VTI1A: variants seen among roughly 807,000 people sequenced by gnomAD.
VTI1A encodes vesicle transport through interaction with t-SNAREs 1A, also known as vesicle transport through interaction with t-SNAREs homolog 1A.
Under a neutral mutation model 34.9 loss-of-function variants are expected in VTI1A, and 22 were observed. The observed-to-expected ratio is 0.63, with a 90% CI of 0.45 to 0.90. VTI1A has a LOEUF of 0.90. VTI1A is among the 40% of genes least tolerant of loss of function. VTI1A has a pLI of 0.00. For missense variants in VTI1A, 268 were observed against 275.6 expected (o/e 0.97, Z 0.20); for synonymous variants, 87 against 97.3 (o/e 0.89, Z 0.62).
chr10:112,517,180 G>A (rs531925661), intron 3 of VTI1A, among the ~76,000 whole-genome samples: 1 of 152,070 alleles, frequency 6.6e-6, no homozygotes, highest in East Asian at 1.9e-4. Flanking sequence ...ATTCCTCCAA[G>A]GATAGGAGGA....
At chr10:112,651,993 C>T (rs553239911) in intron 5 of VTI1A, among the ~76,000 whole-genome samples, 5 of 152,194 alleles carry the variant, frequency 3.3e-5, no homozygotes, top group Non-Finnish European at 5.9e-5. Context: ...ATTGTCATGA[C>T]TCCTAACAGG....
the VTI1A span, among the ~76,000 whole-genome samples, chr10:112,839,403 G>T: frequency 6.6e-6 from 1 of 152,124 alleles, no homozygotes; most frequent in South Asian, 2.1e-4. Context: ...TGAGGAACCC[G>T]GTGGGGAGTT....
At chr10:112,604,761 T>A (rs1174698009) in intron 5 of VTI1A, among the ~76,000 whole-genome samples, 1 of 152,218 alleles carries the variant, frequency 6.6e-6, no homozygotes, top group Non-Finnish European at 1.5e-5. Context: ...TTTCTGATTC[T>A]TCATGTTTAT....
chr10:112,813,949 A>G (rs1244524194), intron 7 of VTI1A, among the ~76,000 whole-genome samples: 1 of 152,106 alleles, frequency 6.6e-6, no homozygotes, highest in Non-Finnish European at 1.5e-5. Context: ...TGTCAGGAGG[A>G]GAGAGAGCTC....
intron 5 of VTI1A, among the ~76,000 whole-genome samples, chr10:112,596,806 C>T (rs1427557406): frequency 6.6e-6 from 1 of 152,036 alleles, no homozygotes; most frequent in Non-Finnish European, 1.5e-5. Flanking sequence ...TAATTTTTTG[C>T]TGATGTGTTT....
intron 3 of VTI1A, among the ~76,000 whole-genome samples, chr10:112,519,713 C>T (rs917559064): frequency 8.5e-5 from 13 of 152,088 alleles, no homozygotes; most frequent in African/African-American, 3.1e-4. Context: ...TCTTTCCTAG[C>T]TCCGTGGCCT....
chr10:112,479,234 T>C (rs1050731314), intron 3 of VTI1A, among the ~76,000 whole-genome samples: 4 of 152,038 alleles, frequency 2.6e-5, no homozygotes, highest in Non-Finnish European at 5.9e-5. Flanking sequence ...ATATATACTA[T>C]ATTGAGAGGG....
At chr10:112,505,011 G>C (rs1323567378) in intron 3 of VTI1A, among the ~76,000 whole-genome samples, 1 of 151,978 alleles carries the variant, frequency 6.6e-6, no homozygotes, top group Non-Finnish European at 1.5e-5. Flanking sequence ...ATGCTTTGAA[G>C]ATTGTTCCTT....
At chr10:112,537,535 T>C (rs1475760150) in intron 4 of VTI1A, among the ~76,000 whole-genome samples, 1 of 151,808 alleles carries the variant, frequency 6.6e-6, no homozygotes, top group Non-Finnish European at 1.5e-5. Flanking sequence ...AAAAGAGGTA[T>C]ATATAATTAC....
intron 3 of VTI1A, among the ~76,000 whole-genome samples, chr10:112,518,992 A>G (rs1849912470): frequency 6.6e-6 from 1 of 152,054 alleles, no homozygotes; most frequent in African/African-American, 2.4e-5. Flanking sequence ...TAATTTTCTT[A>G]TATTGCCTAA....
rs571195813 is a variant in VTI1A at position 112,723,497 on chromosome 10, C to G, written c.560+54499C>G. On this transcript the variant is annotated intron_variant, in intron 7 of 7. Transcript: ENST00000393077. ...TAGCTCTGCAAGGTGGGGGCCCGGA[C>G]TGAAGGGTCAGGCTGGGTTTCTGTT... 3.9e-5 allele frequency among the ~76,000 whole-genome samples: 6 copies of G among 152,294 alleles called. No homozygotes were observed. The South Asian group carries it at 1.0e-3, about 26-fold the overall frequency.
chr10:112,777,898 T>A (rs1038277957), intron 7 of VTI1A, among the ~76,000 whole-genome samples: 1 of 151,844 alleles, frequency 6.6e-6, no homozygotes, highest in Non-Finnish European at 1.5e-5. Flanking sequence ...AGGTAGGGAG[T>A]TCCAGACCAG....
At chr10:112,623,509 T>A (rs184597491) in intron 5 of VTI1A, among the ~76,000 whole-genome samples, 9 of 151,202 alleles carry the variant, frequency 6.0e-5, no homozygotes, top group Admixed American at 4.0e-4. Flanking sequence ...TCAGCCATTA[T>A]CCTCAGCCTG....
chr10:112,471,711 G>A (rs1418575514), intron 3 of VTI1A, among the ~76,000 whole-genome samples: 1 of 151,772 alleles, frequency 6.6e-6, no homozygotes, highest in African/African-American at 2.4e-5. Flanking sequence ...CCTGTAAGCT[G>A]TTCTTGTAAT....
chr10:112,495,531 AGTT>A (rs1589829253), intron 3 of VTI1A, among the ~76,000 whole-genome samples: 1 of 152,150 alleles, frequency 6.6e-6, no homozygotes, highest in Non-Finnish European at 1.5e-5. Context: ...GTAGGGGAAT[AGTT>A]GTTGTAGAAT....
chr10:112,482,076 C>T (rs948183715), intron 3 of VTI1A, among the ~76,000 whole-genome samples: 1 of 152,078 alleles, frequency 6.6e-6, no homozygotes, highest in Non-Finnish European at 1.5e-5. Context: ...CTTTTAAAAA[C>T]TATTTCTGAA....
chr10:112,657,498 G>A (rs990561444), intron 5 of VTI1A, among the ~76,000 whole-genome samples: 3 of 151,994 alleles, frequency 2.0e-5, no homozygotes, highest in African/African-American at 7.2e-5. Flanking sequence ...AATATAAGAG[G>A]TATAAGAAGG....
intron 3 of VTI1A, among the ~76,000 whole-genome samples, chr10:112,486,632 A>G (rs147456282): frequency 1.2e-4 from 7 of 58,052 alleles, no homozygotes; most frequent in African/African-American, 4.7e-4. Context: ...AATAATCATT[A>G]GAAATAATAT....
At chr10:112,793,570 G>T (rs1852563956) in intron 7 of VTI1A, among the ~76,000 whole-genome samples, 1 of 152,136 alleles carries the variant, frequency 6.6e-6, no homozygotes, top group South Asian at 2.1e-4. Context: ...TCTTTTGTTT[G>T]TTTGTCTTGT....
Sources: allele counts gnomAD v4.1 joint callset (sites outside exome capture counted in the v4.1 genomes callset), GRCh38; gene constraint gnomAD v4.1.1; transcripts MANE v1.5; gene names NCBI Gene and HGNC (gene_info 2026-07-23, HGNC 2026-07-21).